Variants in ASTN1 observed in about 807,000 individuals in gnomAD.
ASTN1 encodes the protein astrotactin 1.
ASTN1 carries 41 observed loss-of-function variants against 140.7 expected under a neutral mutation model. The ratio of observed to expected loss-of-function variants is 0.29; its 90% CI spans 0.23 to 0.38. The LOEUF is 0.38. Among genes scored for constraint, ASTN1 ranks in the 10% least tolerant of loss-of-function variants. ASTN1 has a pLI of 1.00. For missense variants in ASTN1, 1,479 were observed against 1,678.8 expected (o/e 0.88, Z 2.08); for synonymous variants, 640 against 652.2 (o/e 0.98, Z 0.29).
intron 1 of ASTN1, among the ~76,000 whole-genome samples, chr1:177,136,095 A>T (rs1393399690): frequency 6.6e-6 from 1 of 152,132 alleles, no homozygotes; most frequent in East Asian, 1.9e-4. Flanking sequence ...TTTGCCACCA[A>T]ATGAAAACCC....
At chr1:177,045,550 A>G (rs1280292529) in intron 2 of ASTN1, among the ~76,000 whole-genome samples, 1 of 152,174 alleles carries the variant, frequency 6.6e-6, no homozygotes, top group Non-Finnish European at 1.5e-5. Context: ...AGTGAACTAC[A>G]GTCAGGTGGT....
intron 16 of ASTN1, among the ~76,000 whole-genome samples, chr1:176,905,032 C>G (rs1571488263): frequency 6.6e-6 from 1 of 152,352 alleles, no homozygotes; most frequent in Non-Finnish European, 1.5e-5. Flanking sequence ...TCTCAGAGCA[C>G]CCCTGCGTGC....
chr1:177,071,871 A>G (rs1678654766), intron 1 of ASTN1, among the ~76,000 whole-genome samples: 1 of 152,156 alleles, frequency 6.6e-6, no homozygotes, highest in South Asian at 2.1e-4. Flanking sequence ...GAGAAAGTGG[A>G]GTGTAGAGGG....
intron 11 of ASTN1, among the ~76,000 whole-genome samples, chr1:176,957,351 A>ACTC (rs1046246362): frequency 1.3e-5 from 2 of 151,740 alleles, no homozygotes; most frequent in Non-Finnish European, 2.9e-5. Context: ...TTCTTTCATC[A>ACTC]CTCTAGCTTT....
At chr1:177,015,955 T>C (rs1372094367) in intron 7 of ASTN1, among the ~76,000 whole-genome samples, 1 of 152,210 alleles carries the variant, frequency 6.6e-6, no homozygotes, top group Non-Finnish European at 1.5e-5. Flanking sequence ...CTTTCCAAAA[T>C]TTGTAAATAA....
chr1:177,142,934 A>C (rs1682542120), intron 1 of ASTN1, among the ~76,000 whole-genome samples: 1 of 151,904 alleles, frequency 6.6e-6, no homozygotes, highest in African/African-American at 2.4e-5. Context: ...TTCAAGAGCC[A>C]CAAATTATTT....
chr1:176,926,162 C>A (rs1205516892), intron 16 of ASTN1, among the ~76,000 whole-genome samples: 1 of 151,826 alleles, frequency 6.6e-6, no homozygotes, highest in African/African-American at 2.4e-5. Context: ...ACCACATGCA[C>A]ATCATTTAAG....
chr1:176,939,130 T>C (rs1316990156), intron 14 of ASTN1, among the ~76,000 whole-genome samples: 1 of 151,544 alleles, frequency 6.6e-6, no homozygotes, highest in Non-Finnish European at 1.5e-5. Context: ...AAAAAGAAAG[T>C]TCTTTGAGAA....
chr1:176,975,810 C>T (rs1199782365), intron 8 of ASTN1, among the ~76,000 whole-genome samples: 1 of 152,124 alleles, frequency 6.6e-6, no homozygotes, highest in Non-Finnish European at 1.5e-5. Flanking sequence ...CTCATTTCAC[C>T]AATCTAGGGT....
chr1:176,937,779 G>A (rs1398820209), intron 14 of ASTN1, among the ~76,000 whole-genome samples: 2 of 152,086 alleles, frequency 1.3e-5, no homozygotes, highest in Non-Finnish European at 2.9e-5. Flanking sequence ...AATGTGTGGT[G>A]TGTGCACATG....
chr1:176,859,089 C>T (rs370236671), downstream of ASTN1, among the ~76,000 whole-genome samples: 4 of 152,284 alleles, frequency 2.6e-5, no homozygotes, highest in South Asian at 8.3e-4. Flanking sequence ...CATTTGCATC[C>T]AAAAAGTTCC....
intron 1 of ASTN1, among the ~76,000 whole-genome samples, chr1:177,065,078 C>T (rs144714378): frequency 2.2e-3 from 330 of 152,302 alleles, no homozygotes; most frequent in Non-Finnish European, 3.8e-3. Flanking sequence ...GTGATAGTTA[C>T]GCCTGCCCAA....
intron 1 of ASTN1, among the ~76,000 whole-genome samples, chr1:177,143,838 T>C (rs1370966585): frequency 2.6e-5 from 4 of 152,182 alleles, no homozygotes; most frequent in African/African-American, 9.6e-5. Flanking sequence ...CTCATACTGA[T>C]GCTAATTTCT....
chr1:176,991,826 G>T (rs1674191797), intron 8 of ASTN1, among the ~76,000 whole-genome samples: 1 of 152,210 alleles, frequency 6.6e-6, no homozygotes, highest in Admixed American at 6.5e-5. Flanking sequence ...GGTATCCTCA[G>T]AGGTAAACTT....
chr1:177,019,970 G>T (rs1351056446), intron 7 of ASTN1, among the ~76,000 whole-genome samples: 1 of 151,960 alleles, frequency 6.6e-6, no homozygotes, highest in Admixed American at 6.6e-5. Flanking sequence ...CTGCAGCCTC[G>T]ACCTCCCAGA....
At chr1:177,137,436 A>C (rs1682254678) in intron 1 of ASTN1, among the ~76,000 whole-genome samples, 1 of 152,232 alleles carries the variant, frequency 6.6e-6, no homozygotes, top group African/African-American at 2.4e-5. Context: ...TCAGACAAGA[A>C]GGGTTATTAC....
chr1:177,147,761 T>A (rs566355487), intron 1 of ASTN1, among the ~76,000 whole-genome samples: 14 of 152,290 alleles, frequency 9.2e-5, no homozygotes, highest in African/African-American at 2.4e-4. Flanking sequence ...ATTACATTAT[T>A]CTTAACACAG....
At chr1:177,043,015 T>A (rs1420041977) in intron 2 of ASTN1, among the ~76,000 whole-genome samples, 3 of 152,214 alleles carry the variant, frequency 2.0e-5, no homozygotes, top group Non-Finnish European at 4.4e-5. Flanking sequence ...TTTTAAACAA[T>A]AATTTAACCA....
intron 11 of ASTN1, among the ~76,000 whole-genome samples, chr1:176,957,444 T>C (rs567534851): frequency 3.3e-4 from 51 of 152,312 alleles, no homozygotes; most frequent in South Asian, 1.2e-3. Context: ...TATCAACTAA[T>C]TTTTTCTTGA....
Sources: allele counts gnomAD v4.1 joint callset (sites outside exome capture counted in the v4.1 genomes callset), GRCh38; gene constraint gnomAD v4.1.1; transcripts MANE v1.5; gene names NCBI Gene and HGNC (gene_info 2026-07-23, HGNC 2026-07-21).